The following PALM2AKAP2 variants were observed in gnomAD, a reference collection of about 807,000 sequenced individuals.
The protein encoded by PALM2AKAP2 is PALM2-AKAP2 fusion protein.
In PALM2AKAP2, 37 loss-of-function variants were observed where a neutral mutation model predicts 71.5. The observed-to-expected ratio is 0.52, with a 90% CI of 0.40 to 0.68. The LOEUF is 0.68. Among genes scored for constraint, PALM2AKAP2 ranks in the 30% least tolerant of loss-of-function variants. The pLI is 0.00. For missense variants in PALM2AKAP2, 1,224 were observed against 1,191.8 expected (o/e 1.03, Z -0.40); for synonymous variants, 468 against 478.8 (o/e 0.98, Z 0.29).
intron 3 of PALM2AKAP2, among the ~76,000 whole-genome samples, chr9:110,161,657 T>C (rs1235555876): frequency 2.6e-5 from 4 of 152,036 alleles, no homozygotes; most frequent in African/African-American, 4.8e-5. Context: ...GGATCTTCTT[T>C]TAATGGAACA....
intron 1 of PALM2AKAP2, among the ~76,000 whole-genome samples, chr9:110,125,792 T>G (rs565838764): frequency 1.4e-5 from 2 of 146,576 alleles, no homozygotes; most frequent in Non-Finnish European, 3.0e-5. Flanking sequence ...TTTTTTTTTT[T>G]GCAAATCTTG....
chr9:109,774,494 C>G (rs1829321463), intron 1 of PALM2AKAP2, among the ~76,000 whole-genome samples: 1 of 151,626 alleles, frequency 6.6e-6, no homozygotes, highest in South Asian at 2.1e-4. Context: ...TTAGATTGAC[C>G]CACACTAAAA....
At chr9:109,702,973 C>T (rs1828086748) in intron 1 of PALM2AKAP2, among the ~76,000 whole-genome samples, 1 of 152,058 alleles carries the variant, frequency 6.6e-6, no homozygotes, top group Non-Finnish European at 1.5e-5. Flanking sequence ...CACATGCCAA[C>T]AGGCCCAGAT....
intron 1 of PALM2AKAP2, among the ~76,000 whole-genome samples, chr9:109,743,914 T>C (rs559676579): frequency 6.6e-6 from 1 of 152,326 alleles, no homozygotes; most frequent in African/African-American, 2.4e-5. Flanking sequence ...AAATTTGCTC[T>C]TTTTTTCTTA....
At chr9:110,149,138 T>C (rs930402210) in intron 2 of PALM2AKAP2, among the ~76,000 whole-genome samples, 7 of 152,228 alleles carry the variant, frequency 4.6e-5, no homozygotes, top group African/African-American at 1.7e-4. Context: ...CAGAGTGGTA[T>C]AACTATTTAT....
intron 1 of PALM2AKAP2, among the ~76,000 whole-genome samples, chr9:109,759,492 A>G (rs2025876): frequency 0.023 from 3,538 of 152,280 alleles, 141 homozygotes; most frequent in African/African-American, 0.08. Context: ...TTTTAGAATT[A>G]GAAAAATAAT....
At chr9:109,651,574 C>T (rs527350999) in intron 1 of PALM2AKAP2, among the ~76,000 whole-genome samples, 9 of 152,202 alleles carry the variant, frequency 5.9e-5, no homozygotes, top group Non-Finnish European at 1.2e-4. Flanking sequence ...CACTGAAAGT[C>T]TTATGAGAAC....
chr9:110,049,914 G>T (rs963331456), intron 1 of PALM2AKAP2, among the ~76,000 whole-genome samples: 1 of 152,222 alleles, frequency 6.6e-6, no homozygotes, highest in African/African-American at 2.4e-5. Context: ...GCCAGCCTGA[G>T]GGATCCCTCC....
chr9:110,144,267 G>A (rs1435133626), intron 2 of PALM2AKAP2, among the ~76,000 whole-genome samples: 1 of 152,206 alleles, frequency 6.6e-6, no homozygotes, highest in Non-Finnish European at 1.5e-5. Flanking sequence ...TGCAAGGCAG[G>A]CACCAACTGT....
At chr9:110,098,134 A>G (rs1834906632) in intron 1 of PALM2AKAP2, among the ~76,000 whole-genome samples, 1 of 120,318 alleles carries the variant, frequency 8.3e-6, no homozygotes, top group South Asian at 2.6e-4. Flanking sequence ...TCGGCTCGGC[A>G]TCAGAGGGAG....
At chr9:110,082,040 C>T (rs2118704681) in intron 1 of PALM2AKAP2, among the ~76,000 whole-genome samples, 1 of 152,212 alleles carries the variant, frequency 6.6e-6, no homozygotes, top group African/African-American at 2.4e-5. Context: ...TTCTTTGGTT[C>T]ATACTTTTCT....
chr9:110,009,526 A>G (rs990405863), intron 6 of PALM2AKAP2, among the ~76,000 whole-genome samples: 4 of 151,994 alleles, frequency 2.6e-5, no homozygotes, highest in African/African-American at 9.7e-5. Flanking sequence ...CATCCTGGTT[A>G]ACATGGTGAA....
At chr9:109,919,446 AT>A (rs1830773125) in intron 3 of PALM2AKAP2, among the ~76,000 whole-genome samples, 1 of 152,184 alleles carries the variant, frequency 6.6e-6, no homozygotes. Context: ...ATCACCTTTA[AT>A]TCCATTACTC....
In PALM2AKAP2 at chr9:110,138,047, G is replaced by A. The variant is rs773029802; in HGVS notation, c.2077G>A (p.Glu693Lys). The A allele has an allele frequency of 9.3e-6, 15 of 1,611,766 alleles. No homozygotes were observed. In the East Asian group the frequency reaches 3.3e-4, roughly 36 times the overall value. The change falls in exon 2 of 4, where the codon GAA (glutamate) becomes AAA (lysine). Residue 693 changes from glutamate (E) to lysine (K), a missense_variant. Coordinates refer to ENST00000374525, the Ensembl canonical transcript of PALM2AKAP2. ...GGATGGAGCAGAGCAACAGGGACCTGAAGCGACTGTAGAGGAAGCTGAAGC... is the reference window on the plus strand; with the variant it reads ...GGATGGAGCAGAGCAACAGGGACCTAAAGCGACTGTAGAGGAAGCTGAAGC...
intron 1 of PALM2AKAP2, among the ~76,000 whole-genome samples, chr9:109,788,578 G>A (rs1322702057): frequency 6.6e-6 from 1 of 152,158 alleles, no homozygotes; most frequent in African/African-American, 2.4e-5. Flanking sequence ...CTGCTATTCT[G>A]GGGAACACAC....
At chr9:109,704,193 G>A (rs1052878302) in intron 1 of PALM2AKAP2, among the ~76,000 whole-genome samples, 5 of 152,142 alleles carry the variant, frequency 3.3e-5, no homozygotes, top group East Asian at 3.9e-4. Flanking sequence ...TCTTCAGGCC[G>A]GATATTTACC....
intron 1 of PALM2AKAP2, among the ~76,000 whole-genome samples, chr9:109,768,310 C>T (rs1408470072): frequency 6.6e-6 from 1 of 151,736 alleles, no homozygotes; most frequent in Non-Finnish European, 1.5e-5. Context: ...GATGACAGTC[C>T]AAGTACTTAA....
Position 109,756,510 on chromosome 9 carries a change from T to A in PALM2AKAP2, c.6-23978T>A, listed in dbSNP as rs1033299655. On this transcript the variant is annotated intron_variant, in intron 1 of 6. Transcript: ENST00000374531. ...ATCTTTTATAGACATGTTCATTGGC[T>A]TTTGGCCAATTTTATCAGTTTGTTC... 2.0e-5 allele frequency among the ~76,000 whole-genome samples: 3 copies of A among 152,322 alleles called. No individual in the cohort carries two copies. In the East Asian group the frequency reaches 5.8e-4, roughly 29 times the overall value.
chr9:109,995,056 A>C (rs1439231194), intron 6 of PALM2AKAP2, among the ~76,000 whole-genome samples: 1 of 152,198 alleles, frequency 6.6e-6, no homozygotes. Flanking sequence ...CTTTCCAGAT[A>C]ATTCTTTTAA....
Sources: allele counts gnomAD v4.1 joint callset (sites outside exome capture counted in the v4.1 genomes callset), GRCh38; gene constraint gnomAD v4.1.1; transcripts MANE v1.5; gene names NCBI Gene and HGNC (gene_info 2026-07-23, HGNC 2026-07-21).